GTF3C1: variants seen among roughly 807,000 people sequenced by gnomAD.
GTF3C1 encodes general transcription factor 3C polypeptide 1.
In GTF3C1, 57 loss-of-function variants were observed where a neutral mutation model predicts 226.7. The ratio of observed to expected loss-of-function variants is 0.25; its 90% CI spans 0.20 to 0.31. The LOEUF (loss-of-function observed/expected upper bound fraction) is 0.31. GTF3C1 is among the 10% of genes least tolerant of loss of function. The pLI is 1.00. For missense variants in GTF3C1, 2,217 were observed against 2,776.1 expected, an observed-to-expected ratio of 0.80 and a Z score of 4.53; for synonymous variants, 1,090 against 1,084.8, an observed-to-expected ratio of 1.00 and a Z score of -0.09.
Position 27,484,773 on chromosome 16 carries a change from G to A in GTF3C1, c.3859-420C>T, listed in dbSNP as rs368388379. 2.0e-4 allele frequency among the ~76,000 whole-genome samples: 30 copies of A among 152,368 alleles called. 1 individual carries two copies. Among genetic ancestry groups the A allele is most frequent in the Admixed American group, 6.5e-4 (10 of 15,312 alleles). ...GTGCTTGTATGTTATGTTAGTAGAA[G>A]CAGAATGTACAAAATTAGCAGACCC... On this transcript the variant is annotated intron_variant, in intron 24 of 36. Transcript: ENST00000356183.
In GTF3C1 at chr16:27,521,013, C is replaced by T. The variant is rs1398916797; in HGVS notation, c.973+7585G>A. 4.7e-4 allele frequency among the ~76,000 whole-genome samples: 71 copies of T among 152,364 alleles called. 1 individual carries two copies. The highest frequency in any genetic ancestry group is 1.7e-3 in the African/African-American group (70 of 41,586). On this transcript the variant is annotated intron_variant, in intron 6 of 36. Coordinates refer to ENST00000356183, the MANE Select transcript of GTF3C1 (RefSeq NM_001520.4). Reference sequence around the variant, plus strand: ...GGATTAGAGGCCTAAGCCACAGCGCCCAGCCTCCCCAATGCTCTTAAAGCG... The same window carrying T: ...GGATTAGAGGCCTAAGCCACAGCGCTCAGCCTCCCCAATGCTCTTAAAGCG...
At chr16:27,500,517 A>G (rs1316318206) in intron 12 of GTF3C1, among the ~76,000 whole-genome samples, 1 of 152,232 alleles carries the variant, frequency 6.6e-6, no homozygotes, top group African/African-American at 2.4e-5. Flanking sequence ...AGCTTTCTTA[A>G]GGCAGAGATT....
intron 6 of GTF3C1, among the ~76,000 whole-genome samples, chr16:27,513,307 G>A (rs140173768): frequency 2.1e-3 from 320 of 152,182 alleles, no homozygotes; most frequent in African/African-American, 7.2e-3. Flanking sequence ...GTTTAAAATC[G>A]GCCAGGTGTG....
chr16:27,487,518 C>T (rs535247982), intron 23 of GTF3C1, among the ~76,000 whole-genome samples: 20 of 152,326 alleles, frequency 1.3e-4, no homozygotes, highest in Non-Finnish European at 2.6e-4. Context: ...CAGGCTTACA[C>T]GACTCCCAGC....
At chr16:27,541,267 G>A (rs975860656) in intron 2 of GTF3C1, among the ~76,000 whole-genome samples, 1 of 152,184 alleles carries the variant, frequency 6.6e-6, no homozygotes, top group East Asian at 1.9e-4. Context: ...GGTGCAGCAC[G>A]GCTACAAAGT....
At position 27,479,938 on chromosome 16, in the gene GTF3C1, T is replaced by C. The variant is rs1016575742; in HGVS notation, c.4196+1141A>G. ...AATTGTGGCCGGGTGCGGTGGCTCA[T>C]GCCTGTAATCCCAGCACTTTGGGAG... is the stretch of plus-strand genomic sequence containing the variant. On this transcript the variant is annotated intron_variant, in intron 27 of 36. Coordinates refer to ENST00000356183, the MANE Select transcript of GTF3C1 (RefSeq NM_001520.4). Among the ~76,000 whole-genome samples the C allele has an allele frequency of 9.9e-5, 15 of 152,164 alleles. No individual in the cohort carries two copies. In the South Asian group the frequency reaches 2.3e-3, roughly 23 times the overall value.
In GTF3C1 at chr16:27,493,796, TTAAA is replaced by T. The variant is rs546625073; in HGVS notation, c.2779-504_2779-501del. On this transcript the variant is annotated intron_variant, in intron 16 of 36. Transcript: ENST00000356183. ...TGTCCAAAAATAGAAAATATTATGG[TTAAA>T]TAAATTAGACACATAAGAATACTAT... Among the ~76,000 whole-genome samples, 75 of 152,282 alleles carry T rather than the reference TTAAA, an allele frequency of 4.9e-4. 1 individual carries two copies. Among genetic ancestry groups the T allele is most frequent in the African/African-American group, 1.8e-3 (73 of 41,560 alleles).
Position 27,506,925 on chromosome 16 carries a change from T to G in GTF3C1, c.1474A>C (p.Arg492=), listed in dbSNP as rs1227277844. 6.2e-7 allele frequency: 1 copy of G among 1,613,896 alleles called. No individual in the cohort carries two copies. Among genetic ancestry groups the G allele is most frequent in the Non-Finnish European group, 8.5e-7 (1 of 1,179,924 alleles). Residue 492 remains arginine (R), a synonymous_variant, in exon 9 of 37, where the codon AGA becomes CGA. Transcript: ENST00000356183. ...GCTCTTGTGTCTTTCTGGGACCCTC[T>G]GCCTCTCCGCTTGCTGCTGCTCCTC... is the stretch of plus-strand genomic sequence containing the variant. ...EERSSSKRRG[R]GSQKDTRASA... is the part of the protein sequence containing the mutation.
At chr16:27,484,757 T>C (rs1378058403) in intron 24 of GTF3C1, among the ~76,000 whole-genome samples, 3 of 152,234 alleles carry the variant, frequency 2.0e-5, no homozygotes, top group African/African-American at 7.2e-5. Flanking sequence ...TGTGCTTGTA[T>C]GTTATGTTAG....
At chr16:27,488,105 C>G in intron 23 of GTF3C1, 122 bp downstream of exon 23, 1 of 783,204 alleles carries the variant, frequency 1.3e-6, no homozygotes, top group South Asian at 1.8e-5. Context: ...CGCCACACAT[C>G]GAGGGAAGGC....
Position 27,502,942 on chromosome 16 carries a change from T to C in GTF3C1, c.1824A>G (p.Pro608=), listed in dbSNP as rs1409305480. The C allele has an allele frequency of 1.2e-6, 2 of 1,613,096 alleles. No homozygotes were observed. The highest frequency in any genetic ancestry group is 2.7e-5 in the African/African-American group (2 of 74,898). The change falls in exon 11 of 37, where the codon CCA becomes CCG. Residue 608 remains proline, a synonymous_variant. Coordinates refer to ENST00000356183, the MANE Select transcript of GTF3C1 (RefSeq NM_001520.4). The stretch of plus-strand genomic sequence containing the variant: ...GTTTCAGCAGTCGGTAAGTTTCGTG[T>C]GGTTTGTCTTGGCCTGAGCTGTGCC... ...TGRHSSGQDK[P]HETYRLLKRR...
Position 27,470,082 on chromosome 16 carries a change from T to C in GTF3C1, c.4814+26A>G. The C allele has an allele frequency of 6.3e-7, 1 of 1,599,252 alleles. No homozygotes were observed. Among genetic ancestry groups the C allele is most frequent in the Non-Finnish European group, 8.5e-7 (1 of 1,169,646 alleles). On this transcript the variant is annotated intron_variant, in intron 31 of 36. Coordinates refer to ENST00000356183, the MANE Select transcript of GTF3C1 (RefSeq NM_001520.4). The surrounding 1 kb of genome is among the most constrained non-coding windows in gnomAD (Gnocchi z 4.9). ...CCAATGCCTAGCACGTGGCCAGACC[T>C]GATGCTGCGGATGCCGGACTCTTAC...
intron 2 of GTF3C1, among the ~76,000 whole-genome samples, chr16:27,542,694 TCTC>T (rs904406177): frequency 3.3e-5 from 5 of 151,660 alleles, no homozygotes; most frequent in Admixed American, 6.6e-5. Context: ...AGAAAATGAG[TCTC>T]CTTCTCTTGG....
At chr16:27,464,046 C>T in intron 34 of GTF3C1, 1 of 446,716 alleles carries the variant, frequency 2.2e-6, no homozygotes, top group East Asian at 3.9e-5. Context: ...CCCACAGCAG[C>T]CGCTGCAGTG....
chr16:27,501,379 A>G (rs376702563), intron 11 of GTF3C1, 35 bp from the exon 12 acceptor site: 12 of 1,602,600 alleles, frequency 7.5e-6, no homozygotes, highest in African/African-American at 1.3e-5. Context: ...AACACTCCCA[A>G]TCTCAACATG....
intron 16 of GTF3C1, among the ~76,000 whole-genome samples, chr16:27,494,414 A>G (rs2088281598): frequency 7.8e-6 from 1 of 127,478 alleles, no homozygotes; most frequent in Non-Finnish European, 1.7e-5. Context: ...AAAAAAAAAC[A>G]AAAAAAAAAA....
intron 2 of GTF3C1, among the ~76,000 whole-genome samples, chr16:27,542,412 T>A (rs772499956): frequency 1.4e-4 from 22 of 151,994 alleles, no homozygotes; most frequent in Non-Finnish European, 1.3e-4. Context: ...AATACAAAAA[T>A]TAGCCGGGCA....
Position 27,504,886 on chromosome 16 carries a change from G to A in GTF3C1, c.1770+1013C>T, listed in dbSNP as rs552676443. The stretch of plus-strand genomic sequence containing the variant: ...GCAGAGGCTGCAGTGAGCCGAGCTC[G>A]TACCACTGCACTCCATCCTGGGCAC... On this transcript the variant is annotated intron_variant, in intron 10 of 36. Coordinates refer to ENST00000356183, the MANE Select transcript of GTF3C1 (RefSeq NM_001520.4). Among the ~76,000 whole-genome samples the A allele has an allele frequency of 3.9e-5, 6 of 152,194 alleles. No homozygotes were observed. The South Asian group carries it at 8.3e-4, about 21-fold the overall frequency.
Position 27,464,386 on chromosome 16 carries a change from T to C in GTF3C1, c.5806A>G (p.Ser1936Gly). Reference protein sequence around the residue: ...QEDQEGVGEFSSPGQEQLSGQ... With the variant: ...QEDQEGVGEFGSPGQEQLSGQ... ...CTCAGCTGCTCTTGGCCTGGGGAAC[T>C]GAACTCACCGACACCCTCTTGGTCT... Residue 1936 changes from serine (S) to glycine (G), a missense_variant, in exon 34 of 37, where the codon AGT becomes GGT. By Grantham distance (56) the Ser-to-Gly change is moderately conservative (BLOSUM62 0). Transcript: ENST00000356183. 1 of 1,591,866 alleles carries C rather than the reference T, an allele frequency of 6.3e-7. No individual in the cohort carries two copies. Among genetic ancestry groups the C allele is most frequent in the South Asian group, 1.1e-5 (1 of 87,562 alleles).
Sources: gnomAD v4.1 joint callset for allele counts (sites outside exome capture counted in the v4.1 genomes callset) on GRCh38, gnomAD v4.1.1 for gene constraint, Gnocchi (gnomAD v3.1) non-coding constraint, MANE v1.5 for transcripts, NCBI Gene and HGNC (gene_info 2026-07-23, HGNC 2026-07-21) for gene names.